The following MBTPS1 variants were observed in gnomAD, a reference collection of about 807,000 sequenced individuals.
The protein encoded by MBTPS1 is membrane bound transcription factor peptidase, site 1.
MBTPS1 carries 94 observed loss-of-function variants against 127.8 expected under a neutral mutation model. The ratio of observed to expected loss-of-function variants is 0.74; its 90% CI spans 0.62 to 0.87. The LOEUF (loss-of-function observed/expected upper bound fraction) is 0.87. MBTPS1 is among the 40% of genes least tolerant of loss of function. The probability of loss-of-function intolerance (pLI) is 0.00; values close to 1 mark genes in which losing one functional copy is unlikely to be tolerated. For synonymous variants in MBTPS1, 632 were observed against 509.4 expected, an observed-to-expected ratio of 1.24 and a Z score of -3.24; for missense variants, 1,636 against 1,353.2, an observed-to-expected ratio of 1.21 and a Z score of -3.28.
chr16:84,059,560 G>C, intron 20 of MBTPS1, 132 bp from the exon 21 acceptor site: 1 of 797,236 alleles, frequency 1.3e-6, no homozygotes, highest in South Asian at 1.8e-5. Flanking sequence ...GCTCTATTAA[G>C]CTATCCTCCA....
At chr16:84,113,952 TC>T (rs1159577297) in intron 1 of MBTPS1, among the ~76,000 whole-genome samples, 1 of 148,882 alleles carries the variant, frequency 6.7e-6, no homozygotes, top group Non-Finnish European at 1.5e-5. Context: ...AAAGGTGTCT[TC>T]CCTTTTTTTT....
intron 3 of MBTPS1, 151 bp downstream of exon 3, chr16:84,098,902 A>C (rs2086215713): frequency 1.2e-6 from 1 of 802,856 alleles, no homozygotes; most frequent in Admixed American, 2.9e-5. Flanking sequence ...AACAAAACTA[A>C]ACTAAAAAAT....
intron 14 of MBTPS1, 129 bp from the exon 15 acceptor site, chr16:84,068,583 C>T (rs1439201371): frequency 1.5e-6 from 1 of 662,620 alleles, no homozygotes; most frequent in African/African-American, 1.8e-5. Context: ...ATGGCTGGCC[C>T]ACTGGCACAG....
intron 12 of MBTPS1, among the ~76,000 whole-genome samples, chr16:84,072,305 G>T (rs1417684740): frequency 2.0e-5 from 3 of 151,976 alleles, no homozygotes; most frequent in Admixed American, 2.0e-4. Context: ...GTTGCCAAGG[G>T]CTGGTGGAAG....
At chr16:84,055,981 A>G in intron 22 of MBTPS1, 24 bp downstream of exon 22, 1 of 1,602,370 alleles carries the variant, frequency 6.2e-7, no homozygotes, top group South Asian at 1.1e-5. Flanking sequence ...ACTGAGCACA[A>G]TCACAAAGCA....
At chr16:84,080,909 C>A (rs2085931083) in intron 11 of MBTPS1, among the ~76,000 whole-genome samples, 1 of 152,184 alleles carries the variant, frequency 6.6e-6, no homozygotes, top group East Asian at 1.9e-4. Flanking sequence ...GACTGACAGA[C>A]CACATTAATC....
chr16:84,091,601 T>G, intron 7 of MBTPS1, 131 bp downstream of exon 7: 1 of 664,586 alleles, frequency 1.5e-6, no homozygotes, highest in South Asian at 1.8e-5. Context: ...GCTCACGTCA[T>G]TAGCCATCTG....
chr16:84,069,155 C>T (rs1401111098), intron 14 of MBTPS1, among the ~76,000 whole-genome samples: 1 of 152,244 alleles, frequency 6.6e-6, no homozygotes, highest in African/African-American at 2.4e-5. Context: ...CTGGTCACAT[C>T]TTTCAATGCT....
intron 4 of MBTPS1, among the ~76,000 whole-genome samples, chr16:84,094,258 G>A (rs1253782329): frequency 6.6e-6 from 1 of 151,836 alleles, no homozygotes; most frequent in Non-Finnish European, 1.5e-5. Flanking sequence ...CCCAAGGAGC[G>A]GGACACAAAA....
intron 1 of MBTPS1, among the ~76,000 whole-genome samples, chr16:84,114,743 T>C (rs1220315988): frequency 6.7e-6 from 1 of 149,922 alleles, no homozygotes; most frequent in African/African-American, 2.5e-5. Context: ...GGCAGGAGAA[T>C]CGCTTGAACC....
At chr16:84,084,624 TCTTA>T (rs934652094) in intron 10 of MBTPS1, among the ~76,000 whole-genome samples, 1 of 152,244 alleles carries the variant, frequency 6.6e-6, no homozygotes, top group African/African-American at 2.4e-5. Flanking sequence ...CAGGGAAATA[TCTTA>T]CTATTTGTTC....
Position 84,070,041 on chromosome 16 carries a change from A to G in MBTPS1, c.1783-3T>C, listed in dbSNP as rs191294303. 5,065 of 1,489,692 alleles carry G rather than the reference A, an allele frequency of 3.4e-3. 22 individuals are homozygous for G. Among genetic ancestry groups the G allele is most frequent in the Non-Finnish European group, 3.3e-3 (3,687 of 1,113,844 alleles). The allele number at this position is 1,489,692 out of a possible 1,614,324, so 92.3% of individuals were successfully genotyped here. Reference sequence around the variant, plus strand: ...GTCTGTTCTGCACCATTTTTTGACTAAAAAAAAAGAAAAGAAACTTGAAAC... The same window carrying G: ...GTCTGTTCTGCACCATTTTTTGACTGAAAAAAAAGAAAAGAAACTTGAAAC... On this transcript the variant is annotated splice_region_variant and splice_polypyrimidine_tract_variant and intron_variant, in intron 13 of 22. Coordinates refer to ENST00000343411, the MANE Select transcript of MBTPS1 (RefSeq NM_003791.4).
intron 6 of MBTPS1, 82 bp downstream of exon 6, chr16:84,093,106 A>G: frequency 1.1e-6 from 1 of 924,200 alleles, no homozygotes. Flanking sequence ...CTCCTTTTAC[A>G]CAAGTGTGTA....
At chr16:84,080,506 C>T (rs114988140) in intron 11 of MBTPS1, among the ~76,000 whole-genome samples, 18 of 152,360 alleles carry the variant, frequency 1.2e-4, no homozygotes, top group African/African-American at 3.6e-4. Context: ...CCCCACAGGG[C>T]CAGCAGCTCA....
At chr16:84,061,761 T>G (rs1341284710) in intron 19 of MBTPS1, 2 of 152,320 alleles carry the variant, frequency 1.3e-5, no homozygotes, top group East Asian at 3.9e-4. Context: ...CAAAGGATCC[T>G]TTCTGAGAGG....
At chr16:84,098,870 C>G (rs72799295) in intron 3 of MBTPS1, among the ~76,000 whole-genome samples, 183 bp downstream of exon 3, 31,622 of 152,000 alleles carry the variant, frequency 0.21, 3,657 homozygotes, top group Middle Eastern at 0.3. Context: ...TTCTGCCCCC[C>G]CAACACCGAC....
intron 7 of MBTPS1, among the ~76,000 whole-genome samples, chr16:84,091,199 G>A (rs10871281): frequency 0.23 from 35,186 of 152,076 alleles, 4,727 homozygotes; most frequent in East Asian, 0.39. Context: ...AGGTAAGAAA[G>A]AATTGGCAGG....
At chr16:84,089,919 GT>G (rs2086080261) in intron 8 of MBTPS1, among the ~76,000 whole-genome samples, 2 of 152,204 alleles carry the variant, frequency 1.3e-5, no homozygotes, top group African/African-American at 2.4e-5. Flanking sequence ...AATAACTGGT[GT>G]TTGTCATGGC....
intron 1 of MBTPS1, among the ~76,000 whole-genome samples, chr16:84,116,266 TAAG>T (rs2086476182): frequency 6.6e-6 from 1 of 152,170 alleles, no homozygotes; most frequent in South Asian, 2.1e-4. Context: ...GCAAGATTTT[TAAG>T]AAGCTACAGG....
Sources: allele counts gnomAD v4.1 joint callset (sites outside exome capture counted in the v4.1 genomes callset), GRCh38; gene constraint gnomAD v4.1.1; transcripts MANE v1.5; gene names NCBI Gene and HGNC (gene_info 2026-07-23, HGNC 2026-07-21).